The following DGKG variants were observed in gnomAD, a reference collection of about 807,000 sequenced individuals.
DGKG encodes DAG kinase gamma.
In DGKG, 78 loss-of-function variants were observed where a neutral mutation model predicts 105.3. The ratio of observed to expected loss-of-function variants is 0.74; its 90% CI spans 0.62 to 0.89. The LOEUF is 0.89. DGKG is among the 40% of genes least tolerant of loss of function. The pLI is 0.00. For missense variants in DGKG, 958 were observed against 1,020.1 expected (o/e 0.94, Z 0.83); for synonymous variants, 346 against 367.1 (o/e 0.94, Z 0.66).
intron 1 of DGKG, among the ~76,000 whole-genome samples, chr3:186,350,113 C>T (rs1217436108): frequency 6.6e-6 from 1 of 152,094 alleles, no homozygotes; most frequent in Non-Finnish European, 1.5e-5. Flanking sequence ...TGGTCTCGAA[C>T]TCCTGACCTC....
At chr3:186,248,167 C>G (rs1482909849) in intron 19 of DGKG, among the ~76,000 whole-genome samples, 1 of 152,248 alleles carries the variant, frequency 6.6e-6, no homozygotes, top group African/African-American at 2.4e-5. Context: ...TCAGCAGATA[C>G]TAAGGAGGGC....
intron 3 of DGKG, among the ~76,000 whole-genome samples, chr3:186,299,767 C>CTTTCTTTCTT (rs1291713917): frequency 4.2e-5 from 4 of 95,474 alleles, no homozygotes; most frequent in African/African-American, 1.6e-4. Context: ...TTCTTCTTTT[C>CTTTCTTTCTT]TCTTTCTTTC....
At chr3:186,326,332 G>A (rs1480522996) in intron 1 of DGKG, among the ~76,000 whole-genome samples, 1 of 151,746 alleles carries the variant, frequency 6.6e-6, no homozygotes, top group Non-Finnish European at 1.5e-5. Context: ...GTGGGGGTTG[G>A]ATGTTGCAGC....
chr3:186,199,917 C>T (rs1348141278), intron 21 of DGKG, among the ~76,000 whole-genome samples: 3 of 152,142 alleles, frequency 2.0e-5, no homozygotes, highest in Admixed American at 6.5e-5. Flanking sequence ...CATGAACCTG[C>T]GGGTTTCATG....
intron 15 of DGKG, among the ~76,000 whole-genome samples, chr3:186,261,478 C>A (rs1721771457): frequency 6.6e-6 from 1 of 152,192 alleles, no homozygotes; most frequent in Non-Finnish European, 1.5e-5. Context: ...CGTGTCTGTT[C>A]TCACCTGTGA....
intron 3 of DGKG, 131 bp downstream of exon 3, chr3:186,306,770 T>G: frequency 1.5e-6 from 1 of 652,164 alleles, no homozygotes; most frequent in Middle Eastern, 2.5e-4. Context: ...AATGGCTCAC[T>G]TGAGACTTAA....
chr3:186,288,679 G>A, intron 6 of DGKG, 31 bp downstream of exon 6: 2 of 1,610,762 alleles, frequency 1.2e-6, no homozygotes, highest in Non-Finnish European at 1.7e-6. Flanking sequence ...CTAGGAAAAA[G>A]CTGAAGCCCC....
Position 186,306,951 on chromosome 3 carries a change from A to G in DGKG, c.94T>C (p.Leu32=). The change falls in exon 3 of 25, where the codon TTG becomes CTG. Residue 32 remains leucine, a synonymous_variant. Transcript: ENST00000265022. ...CTCCCACCCTCATTAAATTCAGTCA[A>G]GGCATCTTTTATCTTCTTGGAGGAA... ...EYSSKKIKDA[L]TEFNEGGSLK... The G allele has an allele frequency of 1.2e-6, 2 of 1,613,010 alleles. No individual in the cohort carries two copies. Among genetic ancestry groups the G allele is most frequent in the Non-Finnish European group, 1.7e-6 (2 of 1,179,020 alleles).
intron 17 of DGKG, among the ~76,000 whole-genome samples, chr3:186,253,932 G>A (rs750494606): frequency 6.6e-6 from 1 of 152,180 alleles, no homozygotes; most frequent in Non-Finnish European, 1.5e-5. Context: ...AAACCTCCAG[G>A]TGTTATTTGG....
At chr3:186,220,904 C>G (rs952484849) in intron 20 of DGKG, among the ~76,000 whole-genome samples, 2 of 152,176 alleles carry the variant, frequency 1.3e-5, no homozygotes, top group African/African-American at 4.8e-5. Context: ...GATAGGATCT[C>G]CGAATTCTGT....
At chr3:186,186,344 A>G (rs1332620826) in intron 22 of DGKG, among the ~76,000 whole-genome samples, 5 of 152,200 alleles carry the variant, frequency 3.3e-5, no homozygotes, top group Middle Eastern at 3.2e-3. Context: ...AAGCACACAG[A>G]CGCAGAGCCA....
At chr3:186,197,589 G>A (rs1192457671) in intron 21 of DGKG, among the ~76,000 whole-genome samples, 1 of 152,194 alleles carries the variant, frequency 6.6e-6, no homozygotes, top group Non-Finnish European at 1.5e-5. Context: ...CGTGGGCGGG[G>A]AGCAGCCTCT....
intron 1 of DGKG, among the ~76,000 whole-genome samples, chr3:186,334,619 A>G (rs1725744635): frequency 6.6e-6 from 1 of 152,244 alleles, no homozygotes; most frequent in African/African-American, 2.4e-5. Flanking sequence ...AATATTCAGT[A>G]ACCTTTACAA....
chr3:186,250,298 G>A (rs1721145690), intron 19 of DGKG, among the ~76,000 whole-genome samples: 1 of 152,096 alleles, frequency 6.6e-6, no homozygotes, highest in South Asian at 2.1e-4. Context: ...ATGGACACGA[G>A]GGGGAAACCA....
At chr3:186,207,376 G>A (rs1372578083) in intron 21 of DGKG, 6 of 883,498 alleles carry the variant, frequency 6.8e-6, no homozygotes. Flanking sequence ...TGGATTTGAA[G>A]GCTGATCTGA....
At chr3:186,207,844 C>T (rs567193151) in intron 21 of DGKG, among the ~76,000 whole-genome samples, 12 of 152,250 alleles carry the variant, frequency 7.9e-5, no homozygotes, top group Admixed American at 3.9e-4. Context: ...GTTTCCTTAG[C>T]GCTAGGTAAG....
chr3:186,296,112 C>CAAAAAAAAAAAA (rs36070727), intron 5 of DGKG, among the ~76,000 whole-genome samples: 24 of 143,416 alleles, frequency 1.7e-4, no homozygotes, highest in African/African-American at 5.8e-4. Flanking sequence ...TTATCTCAGA[C>CAAAAAAAAAAAA]AAAAAAAAAA....
chr3:186,358,018 A>G (rs1020884010), intron 1 of DGKG, among the ~76,000 whole-genome samples: 17 of 152,390 alleles, frequency 1.1e-4, no homozygotes, highest in African/African-American at 3.8e-4. Flanking sequence ...GCACAGCTCT[A>G]GACACCTTTC....
intron 1 of DGKG, among the ~76,000 whole-genome samples, chr3:186,336,986 C>T (rs1175607122): frequency 1.3e-5 from 2 of 152,208 alleles, no homozygotes; most frequent in Admixed American, 1.3e-4. Context: ...TAAAACTGAA[C>T]CAATATTAAA....
Sources: allele counts gnomAD v4.1 joint callset (sites outside exome capture counted in the v4.1 genomes callset), GRCh38; gene constraint gnomAD v4.1.1; transcripts MANE v1.5; gene names NCBI Gene and HGNC (gene_info 2026-07-23, HGNC 2026-07-21).